The following ACSL4 variants were observed in gnomAD, a reference collection of about 807,000 sequenced individuals.
ACSL4 encodes long-chain-fatty-acid--CoA ligase 4.
A neutral mutation model predicts 49.1 loss-of-function variants in ACSL4; 9 were observed. That is an observed-to-expected ratio of 0.18 (90% CI 0.11 to 0.32). The LOEUF is 0.32. Among genes scored for constraint, ACSL4 ranks in the 10% least tolerant of loss-of-function variants. ACSL4 has a pLI of 1.00. For missense variants in ACSL4, 333 were observed against 493.7 expected, an observed-to-expected ratio of 0.67 and a Z score of 3.08; for synonymous variants, 191 against 170.3, an observed-to-expected ratio of 1.12 and a Z score of -0.95.
chrX:109,713,913 T>C (rs1927571008), intron 1 of ACSL4, among the ~76,000 whole-genome samples: 1 of 112,331 alleles, frequency 8.9e-6, no homozygotes, highest in African/African-American at 3.2e-5. Flanking sequence ...GCAGGGCACA[T>C]TATTCAAGAA....
At position 109,642,634 on chromosome X, in the gene ACSL4, G is replaced by A. The variant is rs986020871; in HGVS notation, c.*1395C>T. 5 of 111,203 alleles carry A rather than the reference G, an allele frequency of 4.5e-5. No individual in the cohort carries two copies. Among genetic ancestry groups the A allele is most frequent in the Non-Finnish European group, 9.5e-5 (5 of 52,879 alleles). 9.2% of individuals were successfully genotyped at this position (111,203 alleles called of 1,213,427 possible). ...ATATAAAAAATGATTAAGAAAAAGT[G>A]CAAAGAATAACAGTATTAAGATTTT... On this transcript the variant is annotated 3_prime_UTR_variant, in exon 16 of 16. Coordinates refer to ENST00000672401, the MANE Select transcript of ACSL4 (RefSeq NM_001318510.2).
At chrX:109,651,672 T>C (rs1921148293) in intron 15 of ACSL4, among the ~76,000 whole-genome samples, 1 of 111,674 alleles carries the variant, frequency 9.0e-6, no homozygotes, top group Non-Finnish European at 1.9e-5. Flanking sequence ...CAGCTACAGA[T>C]TTGGCCCCCC....
intron 15 of ACSL4, among the ~76,000 whole-genome samples, chrX:109,648,610 A>G (rs374900508): frequency 3.6e-5 from 4 of 111,775 alleles, no homozygotes; most frequent in East Asian, 2.8e-4. Flanking sequence ...TTTGAAAACC[A>G]GCACAAGACA....
rs761035259 is a variant in ACSL4, at chrX:109,716,084, A to G, written c.-66+17055T>C. Among the ~76,000 whole-genome samples, 13 of 112,179 alleles carry G rather than the reference A, an allele frequency of 1.2e-4. 3 individuals are homozygous for G. The highest frequency in any genetic ancestry group is 1.1e-3 in the South Asian group (3 of 2,739). The stretch of plus-strand genomic sequence containing the variant: ...AATCTAGTTTCCCAAACCCTGGGTA[A>G]TTACAGGTACATGTGCGTGCATTTG... On this transcript the variant is annotated intron_variant, in intron 1 of 15. Transcript: ENST00000672401.
At chrX:109,652,656 C>T (rs1289816463) in intron 15 of ACSL4, among the ~76,000 whole-genome samples, 1 of 110,383 alleles carries the variant, frequency 9.1e-6, no homozygotes, top group South Asian at 3.8e-4. Context: ...TACTTAAATA[C>T]CTAAAGAAAA....
At chrX:109,670,519 A>T (rs1603403232) in intron 9 of ACSL4, among the ~76,000 whole-genome samples, 1 of 101,803 alleles carries the variant, frequency 9.8e-6, no homozygotes, top group African/African-American at 3.6e-5. Flanking sequence ...CGGGAGGTGG[A>T]GGTTGCAGTG....
chrX:109,670,778 G>A (rs1381296119), intron 9 of ACSL4, among the ~76,000 whole-genome samples: 6 of 110,420 alleles, frequency 5.4e-5, no homozygotes, highest in South Asian at 8.2e-4. Context: ...GGCGCGTGCC[G>A]CCACGCCTGA....
chrX:109,651,917 G>A (rs1921170871), intron 15 of ACSL4, among the ~76,000 whole-genome samples: 1 of 111,901 alleles, frequency 8.9e-6, no homozygotes, highest in South Asian at 3.7e-4. Context: ...GGAAGCAATG[G>A]ACTATCACAG....
chrX:109,679,983 T>A (rs1924036616), intron 6 of ACSL4, among the ~76,000 whole-genome samples: 1 of 112,050 alleles, frequency 8.9e-6, no homozygotes, highest in African/African-American at 3.2e-5. Flanking sequence ...ATTGACTTTG[T>A]TCCAGACTAT....
At chrX:109,706,627 T>C (rs1228926069) in intron 1 of ACSL4, among the ~76,000 whole-genome samples, 4 of 112,446 alleles carry the variant, frequency 3.6e-5, no homozygotes, top group African/African-American at 9.7e-5. Flanking sequence ...TTTCAACATA[T>C]GAAAATTGCT....
At position 109,643,619 on chromosome X, in the gene ACSL4, T is replaced by C. The variant is rs1934513900; in HGVS notation, c.*410A>G. 1 of 143,063 alleles carries C rather than the reference T, an allele frequency of 7.0e-6. No individual in the cohort carries two copies. The highest frequency in any genetic ancestry group is 1.4e-5 in the Non-Finnish European group (1 of 72,247). 11.8% of individuals were successfully genotyped at this position (143,063 alleles called of 1,213,427 possible). On this transcript the variant is annotated 3_prime_UTR_variant, in exon 16 of 16. Coordinates refer to ENST00000672401, the MANE Select transcript of ACSL4 (RefSeq NM_001318510.2). ...TTGAGTAGTGTTAATACATATTTTC[T>C]GTCATGCTTAATATTTAAACTTCTG...
At chrX:109,680,075 A>C (rs1924044655) in intron 6 of ACSL4, among the ~76,000 whole-genome samples, 1 of 112,108 alleles carries the variant, frequency 8.9e-6, no homozygotes, top group South Asian at 3.7e-4. Flanking sequence ...ACAATAAGAT[A>C]ATAAGATATT....
chrX:109,653,551 A>G (rs911331676), intron 15 of ACSL4, among the ~76,000 whole-genome samples: 4 of 111,535 alleles, frequency 3.6e-5, no homozygotes, highest in African/African-American at 9.8e-5. Flanking sequence ...ACTTGGAACC[A>G]GCCCAAATGT....
intron 15 of ACSL4, among the ~76,000 whole-genome samples, chrX:109,650,482 A>G (rs1188233205): frequency 2.1e-5 from 2 of 93,218 alleles, no homozygotes; most frequent in African/African-American, 7.9e-5. Context: ...AACAATGAGA[A>G]CACGTGGACA....
Position 109,643,917 on chromosome X carries a change from A to T in ACSL4, c.*112T>A, listed in dbSNP as rs765006032. ...TTTGGTTTTGTTTTCTTTTTACTCT[A>T]TCTTTAGAATGATATACCTTACATT... is the stretch of plus-strand genomic sequence containing the variant. On this transcript the variant is annotated 3_prime_UTR_variant, in exon 16 of 16. Coordinates refer to ENST00000672401, the MANE Select transcript of ACSL4 (RefSeq NM_001318510.2). The T allele has an allele frequency of 1.1e-6, 1 of 903,232 alleles. No individual in the cohort carries two copies. The allele number at this position is 903,232 out of a possible 1,213,427, so 74.4% of individuals were successfully genotyped here. A position where few individuals can be genotyped will look rare whatever the true frequency, so the allele number is the denominator to read the frequency against.
In ACSL4 at chrX:109,683,139, C is replaced by T. The variant is rs770769971; in HGVS notation, c.225G>A (p.Lys75=). 9 of 1,207,068 alleles carry T rather than the reference C, an allele frequency of 7.5e-6. No homozygotes were observed. The Admixed American group carries it at 2.0e-4, about 26-fold the overall frequency. ...GAAAAGCACCAAAATACTTTACCTTCTTAAAAACTTTTCCATTTGGCTGCA... is the reference window on the plus strand; with the variant it reads ...GAAAAGCACCAAAATACTTTACCTTTTTAAAAACTTTTCCATTTGGCTGCA... ...NEMQPNGKVF[K]KLILGNYKWM... The change falls in exon 3 of 16, where the codon AAG becomes AAA. Residue 75 remains lysine, a synonymous_variant. Coordinates refer to ENST00000672401, the MANE Select transcript of ACSL4 (RefSeq NM_001318510.2).
intron 11 of ACSL4, 58 bp downstream of exon 11, chrX:109,668,043 G>T: frequency 1.1e-6 from 1 of 903,455 alleles, no homozygotes; most frequent in South Asian, 2.2e-5. Context: ...AAGGTAATGC[G>T]AATGTATTTT....
At chrX:109,719,957 C>T (rs1927422367) in intron 1 of ACSL4, among the ~76,000 whole-genome samples, 1 of 110,498 alleles carries the variant, frequency 9.0e-6, no homozygotes, top group African/African-American at 3.3e-5. Flanking sequence ...CGTGCCATTG[C>T]ACTCCAGCCT....
At chrX:109,704,488 C>G (rs1433011081) in intron 1 of ACSL4, among the ~76,000 whole-genome samples, 1 of 111,587 alleles carries the variant, frequency 9.0e-6, no homozygotes, top group Admixed American at 9.6e-5. Flanking sequence ...CGATGTAGAT[C>G]TATCAAGTGC....
Sources: gnomAD v4.1 joint callset for allele counts (sites outside exome capture counted in the v4.1 genomes callset) on GRCh38, gnomAD v4.1.1 for gene constraint, MANE v1.5 for transcripts, NCBI Gene and HGNC (gene_info 2026-07-23, HGNC 2026-07-21) for gene names.